Variants in RERE observed in about 807,000 individuals in gnomAD.
RERE encodes the protein arginine-glutamic acid dipeptide repeats protein.
Under a neutral mutation model 146.1 loss-of-function variants are expected in RERE, and 40 were observed. The ratio of observed to expected loss-of-function variants is 0.27; its 90% CI spans 0.21 to 0.36. RERE has a LOEUF of 0.36. RERE is among the 10% of genes least tolerant of loss of function. The pLI is 1.00. For synonymous variants in RERE, 1,003 were observed against 866.0 expected, an observed-to-expected ratio of 1.16 and a Z score of -2.78; for missense variants, 1,933 against 2,138.7, an observed-to-expected ratio of 0.90 and a Z score of 1.90.
intron 11 of RERE, among the ~76,000 whole-genome samples, chr1:8,464,708 C>T (rs1298215650): frequency 2.0e-5 from 3 of 152,182 alleles, no homozygotes; most frequent in Non-Finnish European, 4.4e-5. Context: ...AGGCTGCCTT[C>T]CTCACCTTAC....
At chr1:8,361,564 A>G in intron 17 of RERE, 74 bp from the exon 18 acceptor site, 1 of 1,552,814 alleles carries the variant, frequency 6.4e-7, no homozygotes, top group South Asian at 1.1e-5. Flanking sequence ...CCAGTGCCGG[A>G]CACACAGTAA....
intron 12 of RERE, among the ~76,000 whole-genome samples, chr1:8,410,936 C>T (rs1643597993): frequency 6.6e-6 from 1 of 152,192 alleles, no homozygotes. Context: ...TGACTAGCAT[C>T]AGGAATAAAC....
chr1:8,729,854 T>C (rs887617060), intron 1 of RERE, among the ~76,000 whole-genome samples: 2 of 152,226 alleles, frequency 1.3e-5, no homozygotes, highest in Admixed American at 6.5e-5. Context: ...ATTCCTCCCA[T>C]ATGATGGTTC....
chr1:8,362,951 C>G (rs1464560141), intron 15 of RERE, 107 bp from the exon 16 acceptor site: 5 of 1,282,000 alleles, frequency 3.9e-6, no homozygotes, highest in Non-Finnish European at 5.4e-6. Context: ...CTATCAGCCT[C>G]TCAGCAAATC....
intron 12 of RERE, among the ~76,000 whole-genome samples, chr1:8,421,781 T>C (rs1368784695): frequency 2.0e-5 from 3 of 152,192 alleles, no homozygotes; most frequent in African/African-American, 7.2e-5. Context: ...TGCATCCATC[T>C]CCCACCTCCA....
At chr1:8,676,328 A>G (rs1026526753) in intron 1 of RERE, among the ~76,000 whole-genome samples, 2 of 152,198 alleles carry the variant, frequency 1.3e-5, no homozygotes, top group African/African-American at 4.8e-5. Flanking sequence ...GTTTCAGAAA[A>G]GTAATCCAAA....
intron 1 of RERE, among the ~76,000 whole-genome samples, chr1:8,694,631 T>C (rs997281811): frequency 2.0e-5 from 3 of 152,008 alleles, no homozygotes; most frequent in Admixed American, 6.6e-5. Flanking sequence ...TGGTGGCACA[T>C]GCCTGTAGTT....
chr1:8,636,979 C>CA (rs146409892), intron 2 of RERE, among the ~76,000 whole-genome samples: 2,312 of 152,208 alleles, frequency 0.015, 61 homozygotes, highest in African/African-American at 0.053. Context: ...ATTTTTAAAT[C>CA]GGCAAAATAT....
chr1:8,609,279 C>CAGGTGAAAGGAACAG (rs1553121454), intron 4 of RERE, among the ~76,000 whole-genome samples: 9 of 151,950 alleles, frequency 5.9e-5, no homozygotes. Context: ...ACAACTGCTC[C>CAGGTGAAAGGAACAG]AGGTGAAAGG....
chr1:8,407,317 C>T (rs1255382283), intron 12 of RERE, among the ~76,000 whole-genome samples: 3 of 152,110 alleles, frequency 2.0e-5, no homozygotes, highest in Admixed American at 6.5e-5. Flanking sequence ...TCCAGGACAC[C>T]GATGAAACAG....
chr1:8,368,348 C>G (rs1326371216), intron 12 of RERE, among the ~76,000 whole-genome samples: 1 of 152,064 alleles, frequency 6.6e-6, no homozygotes, highest in Non-Finnish European at 1.5e-5. Flanking sequence ...GTGGCAGATG[C>G]CTGTATTTCC....
intron 2 of RERE, among the ~76,000 whole-genome samples, chr1:8,629,573 G>A (rs1254290450): frequency 6.6e-6 from 1 of 152,098 alleles, no homozygotes; most frequent in Non-Finnish European, 1.5e-5. Context: ...GTCCCCTCAA[G>A]GGTAAAAATC....
At chr1:8,440,510 G>C (rs1644231398) in intron 11 of RERE, among the ~76,000 whole-genome samples, 1 of 150,218 alleles carries the variant, frequency 6.7e-6, no homozygotes, top group Non-Finnish European at 1.5e-5. Context: ...AGAATCACTT[G>C]AACCAGGGAG....
At chr1:8,713,979 T>C (rs1199248134) in intron 1 of RERE, among the ~76,000 whole-genome samples, 1 of 152,154 alleles carries the variant, frequency 6.6e-6, no homozygotes, top group Non-Finnish European at 1.5e-5. Flanking sequence ...AATATTAATA[T>C]TAAAATACAC....
At chr1:8,371,018 G>A (rs562368038) in intron 12 of RERE, among the ~76,000 whole-genome samples, 1 of 152,192 alleles carries the variant, frequency 6.6e-6, no homozygotes, top group Admixed American at 6.5e-5. Context: ...TCACAACAAG[G>A]TCTCACAGTC....
chr1:8,442,107 G>C (rs889198298), intron 11 of RERE, among the ~76,000 whole-genome samples: 1 of 152,090 alleles, frequency 6.6e-6, no homozygotes, highest in Admixed American at 6.6e-5. Context: ...TGAACTTGTC[G>C]GGCATGGTGG....
At chr1:8,429,564 G>A (rs1031816447) in intron 11 of RERE, among the ~76,000 whole-genome samples, 2 of 152,190 alleles carry the variant, frequency 1.3e-5, no homozygotes, top group African/African-American at 4.8e-5. Flanking sequence ...CAGGGGCTAA[G>A]CTACAAAAAT....
intron 4 of RERE, among the ~76,000 whole-genome samples, chr1:8,578,882 T>C (rs1198374926): frequency 2.0e-5 from 3 of 152,212 alleles, no homozygotes; most frequent in East Asian, 3.8e-4. Flanking sequence ...AATAAATACA[T>C]GTAAAAATTG....
chr1:8,379,156 A>T (rs1236917603), intron 12 of RERE, among the ~76,000 whole-genome samples: 1 of 152,130 alleles, frequency 6.6e-6, no homozygotes, highest in Non-Finnish European at 1.5e-5. Context: ...GGGAAGGAAG[A>T]GAACCACAAG....
Sources: gnomAD v4.1 joint callset for allele counts (sites outside exome capture counted in the v4.1 genomes callset) on GRCh38, gnomAD v4.1.1 for gene constraint, MANE v1.5 for transcripts, NCBI Gene and HGNC (gene_info 2026-07-23, HGNC 2026-07-21) for gene names.